LHFPL3: variants seen among roughly 807,000 people sequenced by gnomAD.
LHFPL3 encodes LHFPL tetraspan subfamily member 3.
LHFPL3 carries 5 observed loss-of-function variants against 19.3 expected under a neutral mutation model. The ratio of observed to expected loss-of-function variants is 0.26; its 90% CI spans 0.14 to 0.54. The LOEUF (loss-of-function observed/expected upper bound fraction) is 0.54. LHFPL3 is among the 20% of genes least tolerant of loss of function. The probability of loss-of-function intolerance (pLI) is 0.94; values close to 1 mark genes in which losing one functional copy is unlikely to be tolerated. For synonymous variants in LHFPL3, 133 were observed against 126.2 expected (o/e 1.05, Z -0.36); for missense variants, 249 against 307.4 (o/e 0.81, Z 1.42).
intron 2 of LHFPL3, among the ~76,000 whole-genome samples, chr7:104,774,214 C>T (rs980649635): frequency 6.6e-6 from 1 of 152,188 alleles, no homozygotes; most frequent in African/African-American, 2.4e-5. Context: ...GGCTCTTTCT[C>T]TTTTCTCTTC....
At chr7:104,385,348 A>G (rs779273523) in intron 1 of LHFPL3, among the ~76,000 whole-genome samples, 1 of 152,144 alleles carries the variant, frequency 6.6e-6, no homozygotes, top group African/African-American at 2.4e-5. Context: ...TATGGTCCTC[A>G]TGGCATTTAT....
intron 2 of LHFPL3, among the ~76,000 whole-genome samples, chr7:104,808,532 A>G (rs1456194464): frequency 6.6e-6 from 1 of 152,202 alleles, no homozygotes. Context: ...TCCAAAAGCA[A>G]TACTCTTTCC....
intron 1 of LHFPL3, among the ~76,000 whole-genome samples, chr7:104,394,699 G>A (rs75473044): frequency 0.09 from 13,679 of 151,206 alleles, 666 homozygotes; most frequent in Non-Finnish European, 0.1. Context: ...ATTGCTAGTC[G>A]TCATTTTCTT....
intron 1 of LHFPL3, among the ~76,000 whole-genome samples, chr7:104,395,022 C>G (rs73403844): frequency 0.045 from 6,852 of 151,884 alleles, 518 homozygotes; most frequent in African/African-American, 0.16. Flanking sequence ...TTCTAAGAAC[C>G]CAAGCTACCG....
chr7:104,382,944 C>CTTAAAGGCCTTTAAATTACTTTACTG (rs71153192), intron 1 of LHFPL3, among the ~76,000 whole-genome samples: 105,212 of 151,848 alleles, frequency 0.69, 37,898 homozygotes, highest in African/African-American at 0.9. Flanking sequence ...GCCAGTCACT[C>CTTAAAGGCCTTTAAATTACTTTACTG]TTCACAGTAG....
At chr7:104,848,008 G>GA (rs1293895894) in intron 2 of LHFPL3, among the ~76,000 whole-genome samples, 5 of 152,306 alleles carry the variant, frequency 3.3e-5, no homozygotes, top group Admixed American at 6.5e-5. Flanking sequence ...GTAGAATAGG[G>GA]AAAATCACAG....
intron 1 of LHFPL3, among the ~76,000 whole-genome samples, chr7:104,700,521 ATCAAGTCATCTGTATTCTGTTTATTT>A (rs897870433): frequency 1.3e-5 from 2 of 152,214 alleles, no homozygotes; most frequent in African/African-American, 4.8e-5. Flanking sequence ...TGCAAGCACA[ATCAAGTCATCTGTATTCTGTTTATTT>A]GTTGAGTCTA....
intron 2 of LHFPL3, among the ~76,000 whole-genome samples, chr7:104,858,718 T>G (rs1195399927): frequency 3.3e-5 from 5 of 152,172 alleles, no homozygotes; most frequent in Non-Finnish European, 5.9e-5. Context: ...GTATCTGTCA[T>G]TTTTCTGTCC....
chr7:104,446,766 C>T (rs1326605827), intron 1 of LHFPL3, among the ~76,000 whole-genome samples: 2 of 151,934 alleles, frequency 1.3e-5, no homozygotes, highest in South Asian at 2.1e-4. Context: ...TTAGTAGAGA[C>T]AGGGTTTCAC....
At chr7:104,557,826 C>A (rs1197751219) in intron 1 of LHFPL3, among the ~76,000 whole-genome samples, 1 of 149,560 alleles carries the variant, frequency 6.7e-6, no homozygotes, top group African/African-American at 2.5e-5. Flanking sequence ...TATCCCTCCC[C>A]ACTCCCCCCA....
chr7:104,588,597 C>A (rs1180995448), intron 1 of LHFPL3, among the ~76,000 whole-genome samples: 1 of 152,124 alleles, frequency 6.6e-6, no homozygotes. Context: ...CTTGGCAATG[C>A]AGGCTCTTTT....
At chr7:104,558,861 G>A (rs1347194874) in intron 1 of LHFPL3, among the ~76,000 whole-genome samples, 2 of 144,696 alleles carry the variant, frequency 1.4e-5, no homozygotes, top group East Asian at 1.9e-4. Context: ...TTTGTGTAAG[G>A]TGTAAGGAAG....
intron 1 of LHFPL3, among the ~76,000 whole-genome samples, chr7:104,511,007 G>A (rs559025520): frequency 1.3e-5 from 2 of 151,984 alleles, no homozygotes; most frequent in Admixed American, 6.6e-5. Flanking sequence ...CATGACACAA[G>A]TTTATCTTTA....
At chr7:104,713,483 G>A (rs1368534564) in intron 1 of LHFPL3, among the ~76,000 whole-genome samples, 3 of 152,126 alleles carry the variant, frequency 2.0e-5, no homozygotes, top group African/African-American at 7.2e-5. Flanking sequence ...AAGAGAGAAG[G>A]GGGAGGTGCT....
At chr7:104,513,996 G>T (rs1447689303) in intron 1 of LHFPL3, among the ~76,000 whole-genome samples, 2 of 151,840 alleles carry the variant, frequency 1.3e-5, no homozygotes, top group Non-Finnish European at 2.9e-5. Context: ...TAGTGATGAG[G>T]TTAAGTACAT....
At chr7:104,835,619 ATT>A (rs1791076690) in intron 2 of LHFPL3, among the ~76,000 whole-genome samples, 1 of 147,170 alleles carries the variant, frequency 6.8e-6, no homozygotes, top group South Asian at 2.1e-4. Context: ...TTTGTAATTT[ATT>A]CTCTATGAAT....
intron 1 of LHFPL3, among the ~76,000 whole-genome samples, chr7:104,635,026 C>G (rs2115864888): frequency 6.6e-6 from 1 of 151,966 alleles, no homozygotes; most frequent in East Asian, 1.9e-4. Flanking sequence ...AAATATGAAA[C>G]AAGAATAAAA....
intron 1 of LHFPL3, among the ~76,000 whole-genome samples, chr7:104,354,450 G>C (rs1384965903): frequency 6.6e-6 from 1 of 152,212 alleles, no homozygotes; most frequent in Non-Finnish European, 1.5e-5. Flanking sequence ...GGGCCAGTTT[G>C]TTGCTCTCCA....
chr7:104,804,724 C>A (rs1395702441), intron 2 of LHFPL3, among the ~76,000 whole-genome samples: 1 of 152,124 alleles, frequency 6.6e-6, no homozygotes, highest in Non-Finnish European at 1.5e-5. Context: ...TGCAGTAGCT[C>A]TCAAAGTACT....
Sources: allele counts gnomAD v4.1 joint callset (sites outside exome capture counted in the v4.1 genomes callset), GRCh38; gene constraint gnomAD v4.1.1; transcripts MANE v1.5; gene names NCBI Gene and HGNC (gene_info 2026-07-23, HGNC 2026-07-21).